The following THOC2 variants were observed in gnomAD, a reference collection of about 807,000 sequenced individuals.
The protein encoded by THOC2 is THO complex 2.
THOC2 carries 10 observed loss-of-function variants against 128.4 expected under a neutral mutation model. The observed-to-expected ratio is 0.08, with a 90% confidence interval of 0.05 to 0.13. The LOEUF is 0.13. THOC2 is among the 10% of genes least tolerant of loss of function. The pLI is 1.00. For synonymous variants in THOC2, 393 were observed against 396.9 expected (o/e 0.99, Z 0.12); for missense variants, 535 against 1,155.7 (o/e 0.46, Z 7.79).
In THOC2 at chrX:123,647,840, CAAAAAAAAA is replaced by C. The variant is rs60123342; in HGVS notation, c.1387-2474_1387-2466del. On this transcript the variant is annotated intron_variant, in intron 12 of 38. Coordinates refer to ENST00000245838, the MANE Select transcript of THOC2 (RefSeq NM_001081550.2). ...TAAGCAACACAACAAGACTCTGTCTCAAAAAAAAAAAAAAAAAAAAAAGATTTTGAAAAT... is the reference window on the plus strand; with the variant it reads ...TAAGCAACACAACAAGACTCTGTCTCAAAAAAAAAAAAAGATTTTGAAAAT... Among the ~76,000 whole-genome samples the C allele has an allele frequency of 1.1e-4, 4 of 37,526 alleles. No individual in the cohort carries two copies. The East Asian group carries it at 3.1e-3, about 29-fold the overall frequency. The allele number at this position is 37,526 out of a possible 115,157, so 32.6% of individuals were successfully genotyped here.
chrX:123,678,613 AC>A (rs1412045056), intron 8 of THOC2, among the ~76,000 whole-genome samples: 7 of 107,427 alleles, frequency 6.5e-5, no homozygotes, highest in African/African-American at 2.4e-4. Flanking sequence ...CTTCTGCTAA[AC>A]CCTTTACTGT....
intron 18 of THOC2, among the ~76,000 whole-genome samples, 165 bp downstream of exon 18, chrX:123,637,878 T>C (rs1157560168): frequency 8.9e-6 from 1 of 112,307 alleles, no homozygotes; most frequent in Non-Finnish European, 1.9e-5. Flanking sequence ...CATATCAACC[T>C]CCTTACATAG....
intron 4 of THOC2, among the ~76,000 whole-genome samples, chrX:123,698,476 AG>A (rs1393118259): frequency 1.9e-4 from 20 of 106,618 alleles, no homozygotes; most frequent in African/African-American, 6.2e-4. Flanking sequence ...AAAAAAAAAA[AG>A]ATCCTAATAC....
intron 12 of THOC2, among the ~76,000 whole-genome samples, chrX:123,647,048 T>C (rs1189277776): frequency 8.9e-6 from 1 of 111,813 alleles, no homozygotes; most frequent in African/African-American, 3.3e-5. Flanking sequence ...ACTCCCTTTC[T>C]AGGTGACTCA....
chrX:123,686,413 G>A, intron 8 of THOC2, 135 bp downstream of exon 8: 1 of 443,504 alleles, frequency 2.3e-6, no homozygotes, highest in Non-Finnish European at 3.8e-6. Flanking sequence ...TGCATTGTTA[G>A]CTATCCATTT....
chrX:123,648,000 G>A (rs768551832), intron 12 of THOC2, among the ~76,000 whole-genome samples: 12 of 111,018 alleles, frequency 1.1e-4, no homozygotes, highest in Admixed American at 7.7e-4. Context: ...CAGAAATCAC[G>A]GGTTCGGTGG....
At chrX:123,648,439 C>T (rs1003144042) in intron 12 of THOC2, among the ~76,000 whole-genome samples, 2 of 111,452 alleles carry the variant, frequency 1.8e-5, no homozygotes, top group Non-Finnish European at 3.8e-5. Flanking sequence ...ACCCCAGTAG[C>T]GCCTGGAACA....
At position 123,640,004 on chromosome X, in the gene THOC2, G is replaced by T. The variant is rs184427862; in HGVS notation, c.1746+534C>A. Among the ~76,000 whole-genome samples the T allele has an allele frequency of 9.6e-3, 1,066 of 110,930 alleles. 55 individuals carry two copies. Among genetic ancestry groups the T allele is most frequent in the Admixed American group, 0.092 (948 of 10,335 alleles). ...AGTTCAAGACCAGCCTGGCCAACATGGTGAAACCACATCTCTACTAAAAAT... is the reference window on the plus strand; with the variant it reads ...AGTTCAAGACCAGCCTGGCCAACATTGTGAAACCACATCTCTACTAAAAAT... On this transcript the variant is annotated intron_variant, in intron 16 of 38. Transcript: ENST00000245838.
intron 31 of THOC2, 30 bp downstream of exon 31, chrX:123,621,127 G>A (rs759456700): frequency 5.9e-6 from 7 of 1,181,060 alleles, no homozygotes; most frequent in East Asian, 5.9e-5. Flanking sequence ...ATAACAAAAC[G>A]TAAGAACGTA....
At chrX:123,651,296 A>C (rs922845122) in intron 12 of THOC2, among the ~76,000 whole-genome samples, 19 of 112,286 alleles carry the variant, frequency 1.7e-4, no homozygotes, top group African/African-American at 5.8e-4. Flanking sequence ...GATGCAGCTA[A>C]GGCAGTGTTT....
At chrX:123,687,267 C>T (rs768017164) in intron 7 of THOC2, among the ~76,000 whole-genome samples, 2 of 111,444 alleles carry the variant, frequency 1.8e-5, no homozygotes, top group Non-Finnish European at 3.8e-5. Context: ...ATATCCATGG[C>T]TTTTAGTAGC....
chrX:123,625,810 T>C, intron 25 of THOC2, 102 bp downstream of exon 25: 1 of 889,090 alleles, frequency 1.1e-6, no homozygotes, highest in Non-Finnish European at 1.6e-6. Flanking sequence ...ACTTGGTTCT[T>C]GAGTTCATGC....
At chrX:123,611,348 T>C in intron 37 of THOC2, 92 bp downstream of exon 37, 1 of 689,743 alleles carries the variant, frequency 1.4e-6, no homozygotes, top group South Asian at 3.1e-5. Context: ...CTTAAGCATA[T>C]AAACCACATA....
Position 123,640,561 on chromosome X carries a change from T to G in THOC2, c.1723A>C (p.Asn575His). ...GRQIGKLSHS[N>H]PTILFDYILS... is the part of the protein sequence containing the mutation. The stretch of plus-strand genomic sequence containing the variant: ...ACATAATCAAACAAAATGGTTGGAT[T>G]GCTGTGGCTCAACTTCCCAATTTGT... Residue 575 changes from asparagine (N) to histidine (H), a missense_variant, in exon 16 of 39, where the codon AAT becomes CAT. By Grantham distance (68) the Asn-to-His change is moderately conservative (BLOSUM62 1). Coordinates refer to ENST00000245838, the MANE Select transcript of THOC2 (RefSeq NM_001081550.2). 8.4e-7 allele frequency: 1 copy of G among 1,194,189 alleles called. No homozygotes were observed. The highest frequency in any genetic ancestry group is 1.7e-5 in the African/African-American group (1 of 57,266).
At position 123,661,414 on chromosome X, in the gene THOC2, AC is replaced by A. The variant is rs781565786; in HGVS notation, c.1386+4227del. 4.5e-5 allele frequency among the ~76,000 whole-genome samples: 5 copies of A among 110,928 alleles called. No individual in the cohort carries two copies. In the East Asian group the frequency reaches 1.4e-3, roughly 31 times the overall value. On this transcript the variant is annotated intron_variant, in intron 12 of 38. Coordinates refer to ENST00000245838, the MANE Select transcript of THOC2 (RefSeq NM_001081550.2). ...GAGCGAAACTCCATCTCAAAAAAAAACAAAACAAAACAAACAAAAAAACCCA... is the reference window on the plus strand; with the variant it reads ...GAGCGAAACTCCATCTCAAAAAAAAAAAAACAAAACAAACAAAAAAACCCA...
intron 23 of THOC2, 130 bp downstream of exon 23, chrX:123,627,563 C>T (rs1348257469): frequency 2.6e-5 from 18 of 686,746 alleles, no homozygotes; most frequent in Non-Finnish European, 4.2e-6. Flanking sequence ...CTATTAAACC[C>T]CATTTAAGAA....
rs372008827 is a variant in THOC2 at position 123,665,678 on chromosome X, T to G, written c.1350A>C (p.Ala450=). The change falls in exon 12 of 39, where the codon GCA becomes GCC. Residue 450 remains alanine (A), a synonymous_variant. Coordinates refer to ENST00000245838, the MANE Select transcript of THOC2 (RefSeq NM_001081550.2). ...PHLSHDPILF[A]KVVRIGKSFM... is the part of the protein sequence containing the mutation. ...ATGACTTGCCTATGCGCACCACTTT[T>G]GCAAATAAAATGGGATCGTGAGAAA... is the stretch of plus-strand genomic sequence containing the variant. 3 of 1,192,685 alleles carry G rather than the reference T, an allele frequency of 2.5e-6. No homozygotes were observed. In the African/African-American group the frequency reaches 5.3e-5, roughly 21 times the overall value.
At chrX:123,641,759 C>G (rs2147687229) in intron 15 of THOC2, among the ~76,000 whole-genome samples, 1 of 111,772 alleles carries the variant, frequency 8.9e-6, no homozygotes, top group African/African-American at 3.2e-5. Flanking sequence ...TCCCCTCAAA[C>G]TACCAGTGTC....
intron 1 of THOC2, among the ~76,000 whole-genome samples, chrX:123,727,403 T>C (rs1373097608): frequency 9.0e-6 from 1 of 111,270 alleles, no homozygotes; most frequent in South Asian, 3.8e-4. Flanking sequence ...GAACATTACA[T>C]TTGTCTTACT....
Sources: allele counts gnomAD v4.1 joint callset (sites outside exome capture counted in the v4.1 genomes callset), GRCh38; gene constraint gnomAD v4.1.1; transcripts MANE v1.5; gene names NCBI Gene and HGNC (gene_info 2026-07-23, HGNC 2026-07-21).